Variants in DNAJA3 observed in about 807,000 individuals in gnomAD.
DNAJA3 encodes DnaJ heat shock protein family (Hsp40) member A3, also known as dnaJ homolog subfamily A member 3, mitochondrial.
In DNAJA3, 29 loss-of-function variants were observed where a neutral mutation model predicts 54.9. The observed-to-expected ratio is 0.53, with a 90% confidence interval of 0.39 to 0.72. DNAJA3 has a LOEUF of 0.72. DNAJA3 is among the 30% of genes least tolerant of loss of function. The pLI is 0.00. For missense variants in DNAJA3, 708 were observed against 639.4 expected (o/e 1.11, Z -1.16); for synonymous variants, 302 against 251.4 (o/e 1.20, Z -1.90).
Position 4,448,702 on chromosome 16 carries a change from AG to A in DNAJA3, c.1126-27del, listed in dbSNP as rs950420416. 3.2e-6 allele frequency: 5 copies of A among 1,543,986 alleles called. No homozygotes were observed. The African/African-American group carries it at 6.8e-5, about 21-fold the overall frequency. On this transcript the variant is annotated intron_variant, in intron 8 of 11. Coordinates refer to ENST00000262375, the MANE Select transcript of DNAJA3 (RefSeq NM_005147.6). ...CTTTTTATTTGAGCAACTGGGGACC[AG>A]GGGAAACCACAGATTTTCTTTCTTT...
chr16:4,437,071 A>G (rs1301700892), intron 2 of DNAJA3, among the ~76,000 whole-genome samples: 2 of 152,124 alleles, frequency 1.3e-5, no homozygotes, highest in Non-Finnish European at 2.9e-5. Flanking sequence ...CCCAGGTTCA[A>G]GTGATTCTCG....
At chr16:4,426,195 C>T (rs2056620219) in intron 1 of DNAJA3, 103 bp downstream of exon 1, 3 of 1,241,698 alleles carry the variant, frequency 2.4e-6, no homozygotes, top group Non-Finnish European at 3.2e-6. Flanking sequence ...TGGAGGGTGT[C>T]TTCCGACGCG....
intron 2 of DNAJA3, among the ~76,000 whole-genome samples, chr16:4,436,432 A>G (rs2056772884): frequency 6.6e-6 from 1 of 152,260 alleles, no homozygotes; most frequent in African/African-American, 2.4e-5. Flanking sequence ...GCACGGAAGT[A>G]AAAAGATCAG....
At position 4,437,661 on chromosome 16, in the gene DNAJA3, G is replaced by T. The variant is rs533517180; in HGVS notation, c.429+176G>T. 6.7e-4 allele frequency: 393 copies of T among 590,148 alleles called. 2 individuals are homozygous for T. The highest frequency in any genetic ancestry group is 6.5e-3 in the African/African-American group (350 of 53,534). The allele number at this position is 590,148 out of a possible 1,614,324, so 36.6% of individuals were successfully genotyped here. On this transcript the variant is annotated intron_variant, in intron 3 of 11. Coordinates refer to ENST00000262375, the MANE Select transcript of DNAJA3 (RefSeq NM_005147.6). ...AAAAAGAGATTCCAGGCCAAGCATG[G>T]TGGCTCACTCCTGTAGTCCTAGCAC...
At chr16:4,432,430 C>A (rs939533789) in intron 1 of DNAJA3, among the ~76,000 whole-genome samples, 79 of 151,104 alleles carry the variant, frequency 5.2e-4, no homozygotes, top group African/African-American at 1.9e-3. Flanking sequence ...GCAACCTCTG[C>A]CCCCCAGGTT....
intron 5 of DNAJA3, chr16:4,442,694 T>C: frequency 5.8e-6 from 3 of 521,686 alleles, no homozygotes; most frequent in Non-Finnish European, 3.3e-6. Flanking sequence ...ACAATTGCTT[T>C]GGTAATTCAA....
chr16:4,446,118 C>T (rs536730215), intron 7 of DNAJA3, among the ~76,000 whole-genome samples: 2 of 151,588 alleles, frequency 1.3e-5, no homozygotes, highest in Admixed American at 1.3e-4. Flanking sequence ...GATGGGGTTT[C>T]ACCATGTTGG....
chr16:4,453,976 G>C (rs1290989603), intron 10 of DNAJA3, among the ~76,000 whole-genome samples: 1 of 152,200 alleles, frequency 6.6e-6, no homozygotes, highest in Non-Finnish European at 1.5e-5. Flanking sequence ...TGCACTCCTT[G>C]TCTAGTAGTT....
intron 2 of DNAJA3, 73 bp downstream of exon 2, chr16:4,434,590 G>A: frequency 6.5e-7 from 1 of 1,544,868 alleles, no homozygotes; most frequent in Non-Finnish European, 8.8e-7. Flanking sequence ...ATCCTGATCA[G>A]TACAGCGTAT....
In DNAJA3 at chr16:4,426,088, T is replaced by G. The variant is rs1139652; in HGVS notation, c.207T>G (p.Leu69=). ...ALLTLRPGVS[L]TGTKHNPFIC... ...TGACATTGAGACCTGGTGTCAGCCT[T>G]ACAGGTGAGGGCAGGTTCCAACTTC... The change falls in exon 1 of 12, where the codon CTT becomes CTG. Residue 69 remains leucine, a synonymous_variant. Transcript: ENST00000262375. 2.0e-5 allele frequency: 32 copies of G among 1,585,020 alleles called. No individual in the cohort carries two copies. The African/African-American group carries it at 4.0e-4, about 20-fold the overall frequency.
chr16:4,426,382 C>T (rs1047625636), intron 1 of DNAJA3, among the ~76,000 whole-genome samples: 1 of 152,232 alleles, frequency 6.6e-6, no homozygotes, highest in Non-Finnish European at 1.5e-5. Context: ...CCCTCGTCCT[C>T]TTCCTTTCCC....
intron 1 of DNAJA3, among the ~76,000 whole-genome samples, chr16:4,427,803 G>A (rs1193175088): frequency 1.3e-5 from 2 of 152,128 alleles, no homozygotes; most frequent in Non-Finnish European, 2.9e-5. Flanking sequence ...TGAGTAGCTG[G>A]GACTACAGGC....
chr16:4,454,122 G>A (rs2057008592), intron 10 of DNAJA3, among the ~76,000 whole-genome samples: 1 of 152,194 alleles, frequency 6.6e-6, no homozygotes, highest in Non-Finnish European at 1.5e-5. Context: ...ACTTGCTCAG[G>A]GAGATAGACT....
At chr16:4,428,132 T>C (rs1470402432) in intron 1 of DNAJA3, among the ~76,000 whole-genome samples, 1 of 152,014 alleles carries the variant, frequency 6.6e-6, no homozygotes, top group Non-Finnish European at 1.5e-5. Context: ...TTTGTATTTT[T>C]AGTAGAGACA....
chr16:4,450,108 TG>T, intron 9 of DNAJA3: 1 of 327,694 alleles, frequency 3.1e-6, no homozygotes, highest in African/African-American at 2.1e-5. Context: ...ATTTCTTACT[TG>T]CTTCACATAC....
At chr16:4,437,660 G>C in intron 3 of DNAJA3, 175 bp downstream of exon 3, 3 of 589,112 alleles carry the variant, frequency 5.1e-6, no homozygotes, top group Non-Finnish European at 8.9e-6. Context: ...GGCCAAGCAT[G>C]GTGGCTCACT....
chr16:4,445,171 C>T (rs927415679), intron 7 of DNAJA3, among the ~76,000 whole-genome samples: 38 of 152,146 alleles, frequency 2.5e-4, no homozygotes, highest in African/African-American at 8.7e-4. Flanking sequence ...GCCTAGCAGG[C>T]GATAGGTACA....
chr16:4,429,567 G>A (rs1216305870), intron 1 of DNAJA3, among the ~76,000 whole-genome samples: 1 of 152,042 alleles, frequency 6.6e-6, no homozygotes, highest in Non-Finnish European at 1.5e-5. Flanking sequence ...GGACATGGTG[G>A]CTCACGCCTG....
intron 1 of DNAJA3, among the ~76,000 whole-genome samples, chr16:4,426,603 GTTTACGCTCTT>G (rs1434646220): frequency 2.0e-5 from 3 of 152,236 alleles, no homozygotes; most frequent in Non-Finnish European, 4.4e-5. Flanking sequence ...TCATGTCATA[GTTTACGCTCTT>G]TCTACCACGT....
Sources: gnomAD v4.1 joint callset for allele counts (sites outside exome capture counted in the v4.1 genomes callset) on GRCh38, gnomAD v4.1.1 for gene constraint, MANE v1.5 for transcripts, NCBI Gene and HGNC (gene_info 2026-07-23, HGNC 2026-07-21) for gene names.